CCDC83: variants seen among roughly 807,000 people sequenced by gnomAD.
CCDC83 encodes coiled-coil domain containing 83, also known as coiled-coil domain-containing protein 83.
CCDC83 carries 54 observed loss-of-function variants against 50.1 expected under a neutral mutation model. The observed-to-expected ratio is 1.08, with a 90% CI of 0.87 to 1.35. The LOEUF (loss-of-function observed/expected upper bound fraction) is 1.35. Ranked by LOEUF, CCDC83 falls within the 40% of genes most tolerant of loss-of-function variation. The pLI is 0.00. For synonymous variants in CCDC83, 161 were observed against 153.3 expected (o/e 1.05, Z -0.37); for missense variants, 518 against 473.9 (o/e 1.09, Z -0.86).
At chr11:85,866,103 A>G (rs897318359) in intron 2 of CCDC83, among the ~76,000 whole-genome samples, 31 of 152,264 alleles carry the variant, frequency 2.0e-4, no homozygotes, top group Admixed American at 1.5e-3. Flanking sequence ...CATTTATTCC[A>G]TATTTATGTT....
intron 5 of CCDC83, among the ~76,000 whole-genome samples, chr11:85,893,705 T>C (rs550838347): frequency 2.0e-5 from 3 of 152,300 alleles, no homozygotes; most frequent in African/African-American, 7.2e-5. Flanking sequence ...CCTTAGATTC[T>C]TTTAGGAGCG....
At chr11:85,904,861 A>G (rs980509835) in intron 7 of CCDC83, among the ~76,000 whole-genome samples, 1 of 152,226 alleles carries the variant, frequency 6.6e-6, no homozygotes, top group African/African-American at 2.4e-5. Flanking sequence ...TCTAGGAAAC[A>G]AGGAATTTAA....
chr11:85,873,108 G>A, intron 2 of CCDC83, 103 bp from the exon 3 acceptor site: 1 of 509,548 alleles, frequency 2.0e-6, no homozygotes, highest in Non-Finnish European at 3.4e-6. Flanking sequence ...CCCTAAATGT[G>A]TTTTCATAAT....
At chr11:85,886,659 G>A (rs1216211036) in intron 5 of CCDC83, among the ~76,000 whole-genome samples, 1 of 152,218 alleles carries the variant, frequency 6.6e-6, no homozygotes, top group Non-Finnish European at 1.5e-5. Context: ...GGTGGCTCAT[G>A]CCTGTAATCT....
At chr11:85,892,227 T>C (rs1210483960) in intron 5 of CCDC83, among the ~76,000 whole-genome samples, 4 of 152,266 alleles carry the variant, frequency 2.6e-5, no homozygotes, top group Non-Finnish European at 2.9e-5. Flanking sequence ...AGGGACGCCA[T>C]TAGATGGGGT....
At chr11:85,882,242 T>G (rs750558388) in intron 3 of CCDC83, among the ~76,000 whole-genome samples, 13 of 152,242 alleles carry the variant, frequency 8.5e-5, no homozygotes, top group Non-Finnish European at 1.3e-4. Flanking sequence ...CTTGGTATGA[T>G]GAGTGATTTA....
At chr11:85,907,318 C>T (rs1322923511) in intron 7 of CCDC83, among the ~76,000 whole-genome samples, 1 of 151,838 alleles carries the variant, frequency 6.6e-6, no homozygotes, top group Admixed American at 6.6e-5. Flanking sequence ...TTTCAATTAT[C>T]TGGTTTTATT....
rs768567443 is a variant in CCDC83 at position 85,882,609 on chromosome 11, G to A, written c.277G>A (p.Glu93Lys). The A allele has an allele frequency of 1.9e-6, 3 of 1,614,082 alleles. No homozygotes were observed. Among genetic ancestry groups the A allele is most frequent in the Non-Finnish European group, 2.5e-6 (3 of 1,179,958 alleles). The change falls in exon 4 of 11, where the codon GAG becomes AAG. Residue 93 changes from glutamate (E) to lysine (K), a missense_variant. Transcript: ENST00000342404. Reference sequence around the variant, plus strand: ...AGAGGGATTGCCAGTTGTAACAAGAGAGGATGTTGAAGAAGCGATGAAGGA... The same window carrying A: ...AGAGGGATTGCCAGTTGTAACAAGAAAGGATGTTGAAGAAGCGATGAAGGA... ...KAEGLPVVTR[E>K]DVEEAMKEKW...
At position 85,919,514 on chromosome 11, in the gene CCDC83, G is replaced by T; in HGVS notation, c.*4G>T. The T allele has an allele frequency of 1.3e-6, 2 of 1,598,538 alleles. No individual in the cohort carries two copies. Among genetic ancestry groups the T allele is most frequent in the Non-Finnish European group, 1.7e-6 (2 of 1,172,176 alleles). On this transcript the variant is annotated 3_prime_UTR_variant, in exon 11 of 11. Transcript: ENST00000342404. ...GATGATGAAGTCTTTTCTCTAAGAC[G>T]GAAAGCTGCAAAGGAAACACAACTT...
Position 85,919,679 on chromosome 11 carries a change from T to C in CCDC83, c.*169T>C. ...AAAGGTATTCAGCTATTCATTTACT[T>C]GCATGGTATGAGTGACCAAAACGGA... On this transcript the variant is annotated 3_prime_UTR_variant, in exon 11 of 11. Transcript: ENST00000342404. 2 of 599,062 alleles carry C rather than the reference T, an allele frequency of 3.3e-6. No homozygotes were observed. Among genetic ancestry groups the C allele is most frequent in the Non-Finnish European group, 5.8e-6 (2 of 346,140 alleles). The allele number at this position is 599,062 out of a possible 1,614,324, so 37.1% of individuals were successfully genotyped here. A position where few individuals can be genotyped will look rare whatever the true frequency, so the allele number is the denominator to read the frequency against.
chr11:85,886,591 C>T (rs544414835), intron 5 of CCDC83, among the ~76,000 whole-genome samples: 1 of 152,190 alleles, frequency 6.6e-6, no homozygotes, highest in South Asian at 2.1e-4. Flanking sequence ...GGGTGGGGGG[C>T]AGTGTGCAGA....
intron 4 of CCDC83, among the ~76,000 whole-genome samples, chr11:85,883,703 G>A (rs535933332): frequency 2.6e-5 from 4 of 152,156 alleles, no homozygotes; most frequent in Non-Finnish European, 5.9e-5. Context: ...ACATGAGAAA[G>A]AGACCTAAGT....
intron 8 of CCDC83, 58 bp downstream of exon 8, chr11:85,911,460 G>T: frequency 1.4e-6 from 2 of 1,434,840 alleles, no homozygotes; most frequent in Non-Finnish European, 1.9e-6. Context: ...GCTGTAAAAA[G>T]TTGTTTTTTT....
At chr11:85,902,754 C>T (rs1419866124) in intron 7 of CCDC83, among the ~76,000 whole-genome samples, 5 of 152,160 alleles carry the variant, frequency 3.3e-5, no homozygotes, top group African/African-American at 1.2e-4. Flanking sequence ...CCACCTTCCC[C>T]ACCCTGCCAC....
intron 4 of CCDC83, among the ~76,000 whole-genome samples, chr11:85,885,649 G>C (rs1007280069): frequency 2.6e-5 from 4 of 152,182 alleles, no homozygotes; most frequent in East Asian, 1.9e-4. Context: ...TTTACCAAAG[G>C]GGGGTGGGAA....
At chr11:85,883,024 C>A (rs1347449001) in intron 4 of CCDC83, among the ~76,000 whole-genome samples, 5 of 152,000 alleles carry the variant, frequency 3.3e-5, no homozygotes, top group Admixed American at 2.0e-4. Flanking sequence ...CTCATGCAGT[C>A]CTCCCACCTC....
At chr11:85,918,832 T>C (rs2093495215) in intron 10 of CCDC83, among the ~76,000 whole-genome samples, 2 of 152,188 alleles carry the variant, frequency 1.3e-5, no homozygotes, top group South Asian at 4.1e-4. Flanking sequence ...CAGTCAATTA[T>C]GTATTCACCT....
rs190710545 is a variant in CCDC83 at position 85,918,058 on chromosome 11, G to A, written c.1081-1291G>A. The A allele has an allele frequency of 2.0e-5, 3 of 152,234 alleles. No individual in the cohort carries two copies. The East Asian group carries it at 5.8e-4, about 29-fold the overall frequency. The allele number at this position is 152,234 out of a possible 1,614,324, so 9.4% of individuals were successfully genotyped here. On this transcript the variant is annotated intron_variant, in intron 10 of 10. Coordinates refer to ENST00000342404, the MANE Select transcript of CCDC83 (RefSeq NM_001286159.2). ...TTTATCACAGCTACATATTTTGAAA[G>A]CTAAATAGAATTATATGTATTTTGA...
chr11:85,916,110 T>C lies in CCDC83; in HGVS notation c.957T>C (p.Leu319=). 6.2e-7 allele frequency: 1 copy of C among 1,613,244 alleles called. No homozygotes were observed. Among genetic ancestry groups the C allele is most frequent in the Non-Finnish European group, 8.5e-7 (1 of 1,179,330 alleles). ...CAGATGAGAGCACTATCTTACATCT[T>C]AGTCATGAAAATAGCATCGAAGATC... ...SSSDESTILH[L]SHENSIEDLQ... The change falls in exon 10 of 11, where the codon CTT becomes CTC. Residue 319 remains leucine, a synonymous_variant. Transcript: ENST00000342404.
Sources: gnomAD v4.1 joint callset for allele counts (sites outside exome capture counted in the v4.1 genomes callset) on GRCh38, gnomAD v4.1.1 for gene constraint, MANE v1.5 for transcripts, NCBI Gene and HGNC (gene_info 2026-07-23, HGNC 2026-07-21) for gene names.